Variants in DOP1B observed in about 807,000 individuals in gnomAD.
DOP1B encodes DOP1 leucine zipper like protein B.
In DOP1B, 174 loss-of-function variants were observed where a neutral mutation model predicts 233.5. The observed-to-expected ratio is 0.75, with a 90% CI of 0.66 to 0.85. The LOEUF is 0.85. Ranked by LOEUF, DOP1B falls within the 40% of genes least tolerant of loss-of-function variation. The probability of loss-of-function intolerance (pLI) is 0.00; values close to 1 mark genes in which losing one functional copy is unlikely to be tolerated. For missense variants in DOP1B, 2,652 were observed against 2,846.6 expected, an observed-to-expected ratio of 0.93 and a Z score of 1.56; for synonymous variants, 1,190 against 1,185.6, an observed-to-expected ratio of 1.00 and a Z score of -0.08.
At chr21:36,238,249 C>A (rs1470301634) in intron 16 of DOP1B, among the ~76,000 whole-genome samples, 1 of 152,168 alleles carries the variant, frequency 6.6e-6, no homozygotes, top group East Asian at 1.9e-4. Flanking sequence ...CCTGGGTCTC[C>A]TTTCCAGTCT....
intron 2 of DOP1B, chr21:36,169,472 G>A: frequency 9.1e-7 from 1 of 1,100,922 alleles, no homozygotes. Context: ...CAGCTTCTTG[G>A]TGTGCCAACA....
At chr21:36,221,429 A>G (rs2066621346) in intron 10 of DOP1B, among the ~76,000 whole-genome samples, 3 of 151,672 alleles carry the variant, frequency 2.0e-5, no homozygotes, top group Admixed American at 2.0e-4. Context: ...TGGGAGGTGG[A>G]GGCTGCAGTG....
Position 36,251,176 on chromosome 21 carries a change from A to T in DOP1B, c.5013A>T (p.Lys1671Asn). The stretch of plus-strand genomic sequence containing the variant: ...CTATTTTCTAGACCATAAGACAAAA[A>T]ATTTTAGACTTCTTAAACCCCTTGA... ...YFKTTKTIRQ[K>N]ILDFLNPLTA... The change falls in exon 22 of 37, where the codon AAA (lysine) becomes AAT (asparagine). Residue 1671 changes from lysine to asparagine, a missense_variant. This residue lies in a region of DOP1B where 2,617 missense variants were observed against 2,794.3 expected (regional missense o/e 0.94). Coordinates refer to ENST00000691173, the MANE Select transcript of DOP1B (RefSeq NM_001320714.2). The T allele has an allele frequency of 6.2e-7, 1 of 1,612,038 alleles. No homozygotes were observed. The highest frequency in any genetic ancestry group is 8.5e-7 in the Non-Finnish European group (1 of 1,179,614).
At chr21:36,286,597 C>T (rs1025049731) in intron 32 of DOP1B, among the ~76,000 whole-genome samples, 5 of 151,468 alleles carry the variant, frequency 3.3e-5, no homozygotes, top group African/African-American at 7.3e-5. Context: ...GATCGCACCA[C>T]TGTACTCCAG....
At position 36,293,396 on chromosome 21, in the gene DOP1B, G is replaced by A; in HGVS notation, c.6722G>A (p.Arg2241Lys). The change falls in exon 37 of 37, where the codon AGG becomes AAG. Residue 2241 changes from arginine to lysine, a missense_variant. By Grantham distance (26) the Arg-to-Lys change is conservative. This residue lies in a region of DOP1B where 2,617 missense variants were observed against 2,794.3 expected (regional missense o/e 0.94). Coordinates refer to ENST00000691173, the MANE Select transcript of DOP1B (RefSeq NM_001320714.2). ...CGCCAACATTCTGTTTCCAGCATCA[G>A]GCAGTTGATGCCATTCTTCATGACT... ...LLRQHSVSSIRQLMPFFMTLN... is the reference protein window; with the variant it reads ...LLRQHSVSSIKQLMPFFMTLN... The A allele has an allele frequency of 1.2e-6, 2 of 1,614,084 alleles. No homozygotes were observed. Among genetic ancestry groups the A allele is most frequent in the Non-Finnish European group, 1.7e-6 (2 of 1,179,982 alleles).
chr21:36,286,960 T>G (rs1463184124), intron 32 of DOP1B, among the ~76,000 whole-genome samples: 1 of 149,582 alleles, frequency 6.7e-6, no homozygotes, highest in African/African-American at 2.5e-5. Context: ...TGAGACTCCA[T>G]CTCAAAAAAA....
chr21:36,270,074 C>A lies in DOP1B; in HGVS notation c.5549C>A (p.Thr1850Asn), dbSNP rs771019010. ...ATTGCCGGCTCTTCCTTGGAGCAAA[C>A]CAGCTGGCTAAGCAGAAACCTGGAA... Reference protein sequence around the residue: ...GNIAGSSLEQTSWLSRNLEVK... With the variant: ...GNIAGSSLEQNSWLSRNLEVK... The change falls in exon 27 of 37, where the codon ACC becomes AAC. Residue 1850 changes from threonine to asparagine, a missense_variant. Coordinates refer to ENST00000691173, the MANE Select transcript of DOP1B (RefSeq NM_001320714.2). 1.9e-6 allele frequency: 3 copies of A among 1,614,082 alleles called. No individual in the cohort carries two copies. In the South Asian group the frequency reaches 3.3e-5, roughly 18 times the overall value.
intron 9 of DOP1B, among the ~76,000 whole-genome samples, chr21:36,216,494 G>T (rs1042184300): frequency 6.6e-6 from 1 of 151,452 alleles, no homozygotes; most frequent in African/African-American, 2.4e-5. Context: ...ACCTATAATC[G>T]CAGCTACTTG....
chr21:36,163,956 A>G (rs993055936), intron 1 of DOP1B, among the ~76,000 whole-genome samples: 2 of 152,222 alleles, frequency 1.3e-5, no homozygotes, highest in Non-Finnish European at 2.9e-5. Context: ...AGAAAGGAGG[A>G]CAAAAGGCTT....
In DOP1B at chr21:36,281,390, A is replaced by G. The variant is rs1168819415; in HGVS notation, c.6032-93A>G. 2.3e-6 allele frequency: 3 copies of G among 1,331,454 alleles called. No individual in the cohort carries two copies. The African/African-American group carries it at 4.4e-5, about 19-fold the overall frequency. The allele number at this position is 1,331,454 out of a possible 1,614,324, so 82.5% of individuals were successfully genotyped here. A position where few individuals can be genotyped will look rare whatever the true frequency, so the allele number is the denominator to read the frequency against. On this transcript the variant is annotated intron_variant, in intron 31 of 36. Coordinates refer to ENST00000691173, the MANE Select transcript of DOP1B (RefSeq NM_001320714.2). The stretch of plus-strand genomic sequence containing the variant: ...TTAATAAAGATCATGATTTTTCACC[A>G]GGGAATATAGAATTACACTAGTATG...
intron 4 of DOP1B, among the ~76,000 whole-genome samples, chr21:36,201,326 C>CCACT (rs2066362869): frequency 7.4e-6 from 1 of 134,602 alleles, no homozygotes; most frequent in African/African-American, 2.7e-5. Context: ...GGATTCTATT[C>CCACT]CACTGTATCT....
chr21:36,263,808 C>A lies in DOP1B; in HGVS notation c.5481C>A (p.Asp1827Glu). 6.2e-7 allele frequency: 1 copy of A among 1,614,180 alleles called. No individual in the cohort carries two copies. The highest frequency in any genetic ancestry group is 8.5e-7 in the Non-Finnish European group (1 of 1,180,030). ...TGGAAAACAAGAAGGACCAAAAAGA[C>A]CTGCAGGTTTGTATATGAAAGAGGT... ...PNLENKKDQK[D>E]LQEITQKILE... The change falls in exon 26 of 37, where the codon GAC (aspartate) becomes GAA (glutamate). Residue 1827 changes from aspartate to glutamate, a missense_variant. Around this residue, in one of 3 missense-constraint regions of DOP1B, gnomAD observed 2,617 missense variants for 2,794.3 expected, o/e 0.94. Coordinates refer to ENST00000691173, the MANE Select transcript of DOP1B (RefSeq NM_001320714.2).
At chr21:36,220,667 A>ATT (rs201067094) in intron 10 of DOP1B, among the ~76,000 whole-genome samples, 20,020 of 134,698 alleles carry the variant, frequency 0.15, 2,476 homozygotes, top group African/African-American at 0.34. Context: ...TGCCCAGCTA[A>ATT]TTTTTTTTTT....
At position 36,231,194 on chromosome 21, in the gene DOP1B, G is replaced by A. The variant is rs1327628127; in HGVS notation, c.2350+60G>A. On this transcript the variant is annotated intron_variant, in intron 14 of 36. Transcript: ENST00000691173. ...AATCATACGATGAGGCGATTGACGT[G>A]GGTGGAATATCCCCTATCCACAATG... 4.6e-6 allele frequency: 7 copies of A among 1,518,490 alleles called. No individual in the cohort carries two copies. In the African/African-American group the frequency reaches 8.3e-5, roughly 18 times the overall value. 94.1% of individuals were successfully genotyped at this position (1,518,490 alleles called of 1,614,324 possible).
chr21:36,177,555 A>G (rs2066045718), intron 2 of DOP1B, among the ~76,000 whole-genome samples: 1 of 152,092 alleles, frequency 6.6e-6, no homozygotes, highest in African/African-American at 2.4e-5. Context: ...CCAATTTGAC[A>G]ATATTGGGGT....
intron 10 of DOP1B, among the ~76,000 whole-genome samples, chr21:36,221,481 C>T (rs781470578): frequency 1.3e-5 from 2 of 151,856 alleles, no homozygotes; most frequent in Non-Finnish European, 2.9e-5. Flanking sequence ...GGCGACAGAG[C>T]GACACTTCAT....
At chr21:36,276,934 G>A in intron 27 of DOP1B, 87 bp from the exon 28 acceptor site, 1 of 1,299,236 alleles carries the variant, frequency 7.7e-7, no homozygotes, top group South Asian at 1.3e-5. Flanking sequence ...GGGAGCTGAT[G>A]GCTCACATTC....
chr21:36,292,255 TC>T (rs374081382), intron 36 of DOP1B, 22 bp downstream of exon 36: 10 of 1,491,056 alleles, frequency 6.7e-6, no homozygotes, highest in Middle Eastern at 2.0e-4. Flanking sequence ...TCTTTTCTTT[TC>T]TTTTTTTTTT....
intron 23 of DOP1B, among the ~76,000 whole-genome samples, chr21:36,255,623 G>A (rs187735354): frequency 6.6e-6 from 1 of 151,122 alleles, no homozygotes; most frequent in Non-Finnish European, 1.5e-5. Flanking sequence ...TGTAGTGACG[G>A]GGTTTGCCAC....
Sources: gnomAD v4.1 joint callset for allele counts (sites outside exome capture counted in the v4.1 genomes callset) on GRCh38, gnomAD v4.1.1 for gene constraint, gnomAD v4.1.1 regional missense constraint, MANE v1.5 for transcripts, NCBI Gene and HGNC (gene_info 2026-07-23, HGNC 2026-07-21) for gene names.